Variants in CAPS2 observed in about 807,000 individuals in gnomAD.
The protein encoded by CAPS2 is calcyphosine 2, also known as calcyphosin-2.
A neutral mutation model predicts 86.5 loss-of-function variants in CAPS2; 98 were observed. That is an observed-to-expected ratio of 1.13 (90% CI 0.96 to 1.34). The LOEUF is 1.34. Among genes scored for constraint, CAPS2 ranks in the 40% most tolerant of loss-of-function variants. The probability of loss-of-function intolerance (pLI) is 0.00; values close to 1 mark genes in which losing one functional copy is unlikely to be tolerated. For missense variants in CAPS2, 729 were observed against 686.8 expected (o/e 1.06, Z -0.69); for synonymous variants, 210 against 225.1 (o/e 0.93, Z 0.60).
chr12:75,342,227 T>C (rs1461506311), intron 1 of CAPS2, among the ~76,000 whole-genome samples: 1 of 152,190 alleles, frequency 6.6e-6, no homozygotes, highest in East Asian at 1.9e-4. Context: ...CTTCAATTTA[T>C]ACATGTGATA....
intron 1 of CAPS2, among the ~76,000 whole-genome samples, chr12:75,386,227 G>A (rs2045283883): frequency 6.6e-6 from 1 of 152,206 alleles, no homozygotes; most frequent in African/African-American, 2.4e-5. Context: ...GAACAAGGTT[G>A]CAGGACTAAC....
At chr12:75,292,414 T>A (rs1441040934) in intron 12 of CAPS2, among the ~76,000 whole-genome samples, 3 of 151,930 alleles carry the variant, frequency 2.0e-5, no homozygotes, top group Non-Finnish European at 4.4e-5. Context: ...TAATTAAAAC[T>A]ATTAAATTTA....
intron 1 of CAPS2, among the ~76,000 whole-genome samples, chr12:75,348,535 T>C (rs2042599553): frequency 6.6e-6 from 1 of 152,244 alleles, no homozygotes; most frequent in Admixed American, 6.5e-5. Context: ...ACACATTTAT[T>C]ATCATCTTTT....
At chr12:75,361,910 A>G (rs2043622328) in intron 1 of CAPS2, among the ~76,000 whole-genome samples, 1 of 152,174 alleles carries the variant, frequency 6.6e-6, no homozygotes, top group African/African-American at 2.4e-5. Flanking sequence ...CCTAAATGTA[A>G]AACCTACAAC....
chr12:75,323,678 G>A (rs968738061), intron 2 of CAPS2, among the ~76,000 whole-genome samples: 1 of 152,248 alleles, frequency 6.6e-6, no homozygotes, highest in Non-Finnish European at 1.5e-5. Context: ...AGGAGGCAGA[G>A]GTTGTGGTGA....
At chr12:75,338,773 C>A (rs1182993914) in intron 1 of CAPS2, among the ~76,000 whole-genome samples, 1 of 152,082 alleles carries the variant, frequency 6.6e-6, no homozygotes, top group Non-Finnish European at 1.5e-5. Flanking sequence ...TGCCTACAGG[C>A]CCCAATGTGT....
intron 11 of CAPS2, among the ~76,000 whole-genome samples, chr12:75,293,964 G>C (rs961763623): frequency 6.6e-6 from 1 of 152,052 alleles, no homozygotes; most frequent in South Asian, 2.1e-4. Flanking sequence ...ATGGAGTCTC[G>C]CACTGTCGCC....
chr12:75,378,945 C>G (rs2044807481), intron 1 of CAPS2, among the ~76,000 whole-genome samples: 1 of 152,134 alleles, frequency 6.6e-6, no homozygotes, highest in South Asian at 2.1e-4. Flanking sequence ...TTCATAATTA[C>G]TTGCTTTTTA....
chr12:75,293,157 T>C (rs1053652951), intron 12 of CAPS2, 92 bp downstream of exon 12: 4 of 796,330 alleles, frequency 5.0e-6, no homozygotes, highest in Non-Finnish European at 8.3e-6. Flanking sequence ...TTAATGAAGT[T>C]ATAAATACCT....
intron 2 of CAPS2, 83 bp downstream of exon 3, chr12:75,325,156 A>G: frequency 7.8e-7 from 1 of 1,285,336 alleles, no homozygotes; most frequent in Non-Finnish European, 1.1e-6. Flanking sequence ...CTACATTTAT[A>G]ATTTTGCTTT....
chr12:75,370,278 C>A, intron 1 of CAPS2: 2 of 642,302 alleles, frequency 3.1e-6, no homozygotes, highest in South Asian at 3.9e-5. Flanking sequence ...GAATCTTCTA[C>A]ACTCTTGCCT....
intron 6 of CAPS2, among the ~76,000 whole-genome samples, chr12:75,313,205 G>A (rs2039413087): frequency 6.6e-6 from 1 of 152,102 alleles, no homozygotes; most frequent in African/African-American, 2.4e-5. Context: ...GCAGACTAAA[G>A]GAGAAAGAGA....
chr12:75,375,159 G>T lies in CAPS2; in HGVS notation c.-395+15679C>A, dbSNP rs190481753. On this transcript the variant is annotated intron_variant, in intron 1 of 5. Coordinates refer to the CAPS2 transcript ENST00000551829. Reference sequence around the variant, plus strand: ...TCACCCTATTGGTCAGGGAGCCAATGTGGGGATTCTGCCAGCTGCTAAGTA... The same window carrying T: ...TCACCCTATTGGTCAGGGAGCCAATTTGGGGATTCTGCCAGCTGCTAAGTA... Among the ~76,000 whole-genome samples the T allele has an allele frequency of 7.2e-5, 11 of 152,310 alleles. No individual in the cohort carries two copies. The East Asian group carries it at 1.7e-3, about 24-fold the overall frequency.
chr12:75,314,416 GC>G, intron 6 of CAPS2, among the ~76,000 whole-genome samples: 1 of 151,674 alleles, frequency 6.6e-6, no homozygotes, highest in Non-Finnish European at 1.5e-5. Context: ...ATATTATTTA[GC>G]CTACACTGAA....
intron 7 of CAPS2, among the ~76,000 whole-genome samples, chr12:75,312,143 T>G (rs2039298183): frequency 6.6e-6 from 1 of 152,164 alleles, no homozygotes; most frequent in African/African-American, 2.4e-5. Context: ...TGTTAAAACT[T>G]TAGTTTTCTA....
intron 7 of CAPS2, chr12:75,306,353 T>C: frequency 2.1e-6 from 1 of 480,606 alleles, no homozygotes; most frequent in Non-Finnish European, 3.8e-6. Flanking sequence ...ACAGTGTCTC[T>C]GAGGACTAGC....
At chr12:75,344,686 A>C (rs1452560000) in intron 1 of CAPS2, among the ~76,000 whole-genome samples, 1 of 151,962 alleles carries the variant, frequency 6.6e-6, no homozygotes, top group African/African-American at 2.4e-5. Flanking sequence ...TTATATTCGC[A>C]ATTTGTACAT....
chr12:75,304,006 C>T (rs760224949), intron 8 of CAPS2, among the ~76,000 whole-genome samples: 4 of 152,110 alleles, frequency 2.6e-5, no homozygotes, highest in Non-Finnish European at 5.9e-5. Context: ...AGGAATGTAG[C>T]CCTATCAATC....
intron 4 of CAPS2, chr12:75,322,922 A>G: frequency 9.7e-7 from 1 of 1,025,696 alleles, no homozygotes; most frequent in Non-Finnish European, 1.5e-6. Context: ...ACTGAACATA[A>G]TAAATATTTT....
Sources: gnomAD v4.1 joint callset for allele counts (sites outside exome capture counted in the v4.1 genomes callset) on GRCh38, gnomAD v4.1.1 for gene constraint, MANE v1.5 for transcripts, NCBI Gene and HGNC (gene_info 2026-07-23, HGNC 2026-07-21) for gene names.